The following SCNN1B variants were observed in gnomAD, a reference collection of about 807,000 sequenced individuals.
SCNN1B encodes epithelial sodium channel subunit beta.
A neutral mutation model predicts 65.3 loss-of-function variants in SCNN1B; 46 were observed. That is an observed-to-expected ratio of 0.70 (90% CI 0.56 to 0.90). The LOEUF (loss-of-function observed/expected upper bound fraction) is 0.90. SCNN1B is among the 40% of genes least tolerant of loss of function. The probability of loss-of-function intolerance (pLI) is 0.00; values close to 1 mark genes in which losing one functional copy is unlikely to be tolerated. For missense variants in SCNN1B, 751 were observed against 830.5 expected, an observed-to-expected ratio of 0.90 and a Z score of 1.18; for synonymous variants, 349 against 330.6, an observed-to-expected ratio of 1.06 and a Z score of -0.60.
intron 4 of SCNN1B, among the ~76,000 whole-genome samples, chr16:23,366,086 T>C (rs1962663275): frequency 6.6e-6 from 1 of 152,274 alleles, no homozygotes; most frequent in Admixed American, 6.5e-5. Context: ...TCAGTGAATG[T>C]TTGCTGTGGA....
At chr16:23,343,581 GAGAAAGAAAGAAAGAAAGAA>G (rs200738425) in intron 1 of SCNN1B, among the ~76,000 whole-genome samples, 870 of 70,378 alleles carry the variant, frequency 0.012, 17 homozygotes, top group Middle Eastern at 0.048. Context: ...GAAAGAAAAA[GAGAAAGAAAGAAAGAAAGAA>G]AGAAAGAAAG....
chr16:23,372,497 CTTT>C (rs200783041), intron 7 of SCNN1B, among the ~76,000 whole-genome samples: 10 of 137,446 alleles, frequency 7.3e-5, no homozygotes, highest in African/African-American at 1.9e-4. Context: ...TGAGAAGTCC[CTTT>C]TTTTTTTTTT....
intron 1 of SCNN1B, among the ~76,000 whole-genome samples, chr16:23,326,906 C>T (rs1961709189): frequency 6.6e-6 from 1 of 152,000 alleles, no homozygotes; most frequent in Non-Finnish European, 1.5e-5. Context: ...CCTAACCCCT[C>T]TCCTACTCTC....
At chr16:23,342,020 A>G (rs1186621995) in intron 1 of SCNN1B, among the ~76,000 whole-genome samples, 1 of 152,346 alleles carries the variant, frequency 6.6e-6, no homozygotes, top group African/African-American at 2.4e-5. Flanking sequence ...CTATTTCTAC[A>G]CAAAACTTAT....
chr16:23,315,054 C>T (rs1202744960), intron 1 of SCNN1B, among the ~76,000 whole-genome samples: 6 of 152,140 alleles, frequency 3.9e-5, no homozygotes, highest in African/African-American at 4.8e-5. Context: ...AACATGCCAC[C>T]GGCTGGGTGC....
chr16:23,304,990 G>A (rs1262764406), intron 1 of SCNN1B, among the ~76,000 whole-genome samples: 1 of 152,086 alleles, frequency 6.6e-6, no homozygotes, highest in African/African-American at 2.4e-5. Context: ...ATGGCCCTTG[G>A]GTGGTGGGGG....
chr16:23,312,261 C>T (rs965277738), intron 1 of SCNN1B, among the ~76,000 whole-genome samples: 5 of 152,134 alleles, frequency 3.3e-5, no homozygotes, highest in Non-Finnish European at 5.9e-5. Flanking sequence ...TGAGCTACCT[C>T]GCCTGGCTCC....
chr16:23,333,062 C>A (rs2142002608), intron 1 of SCNN1B, among the ~76,000 whole-genome samples: 1 of 142,384 alleles, frequency 7.0e-6, no homozygotes, highest in East Asian at 2.2e-4. Context: ...CAGAGTGAGA[C>A]TCCAAAAAAA....
intron 2 of SCNN1B, among the ~76,000 whole-genome samples, chr16:23,290,785 AG>A (rs1235866005): frequency 6.6e-6 from 1 of 152,208 alleles, no homozygotes; most frequent in African/African-American, 2.4e-5. Flanking sequence ...AACCTAGTGA[AG>A]GTCTCTTATT....
chr16:23,337,936 G>A (rs1305821514), intron 1 of SCNN1B, among the ~76,000 whole-genome samples: 1 of 152,006 alleles, frequency 6.6e-6, no homozygotes, highest in African/African-American at 2.4e-5. Context: ...AATTAGCCGG[G>A]TGGCACGCAC....
chr16:23,355,273 AC>A (rs1370341310), intron 3 of SCNN1B, 25 bp from the exon 4 acceptor site: 1 of 1,613,794 alleles, frequency 6.2e-7, no homozygotes. Flanking sequence ...CACGCCACCC[AC>A]AAAAACCCCT....
intron 1 of SCNN1B, among the ~76,000 whole-genome samples, chr16:23,311,227 G>A (rs1961337283): frequency 6.6e-6 from 1 of 152,262 alleles, no homozygotes; most frequent in Admixed American, 6.5e-5. Flanking sequence ...GCCACTGGTG[G>A]CCCCTTGGCA....
intron 10 of SCNN1B, among the ~76,000 whole-genome samples, 155 bp from the exon 11 acceptor site, chr16:23,378,551 A>T (rs1163719695): frequency 6.6e-6 from 1 of 152,156 alleles, no homozygotes; most frequent in Non-Finnish European, 1.5e-5. Flanking sequence ...CACAGCTTCC[A>T]CTACGACCTT....
intron 2 of SCNN1B, among the ~76,000 whole-genome samples, chr16:23,287,748 T>C (rs1250268264): frequency 3.3e-5 from 5 of 151,308 alleles, no homozygotes; most frequent in African/African-American, 1.2e-4. Context: ...AGTCTAAAAA[T>C]AGAAAAGATC....
intron 1 of SCNN1B, among the ~76,000 whole-genome samples, chr16:23,321,873 T>C (rs1961595909): frequency 6.6e-6 from 1 of 151,782 alleles, no homozygotes; most frequent in African/African-American, 2.4e-5. Context: ...AAAAATACAA[T>C]AATTAGCTGG....
At chr16:23,319,476 GA>G (rs58635249) in intron 1 of SCNN1B, among the ~76,000 whole-genome samples, 5,266 of 147,438 alleles carry the variant, frequency 0.036, 276 homozygotes, top group African/African-American at 0.12. Context: ...TTACATGGTT[GA>G]AAAAAAAAAA....
At position 23,371,416 on chromosome 16, in the gene SCNN1B, G is replaced by A. The variant is rs766312579; in HGVS notation, c.998G>A (p.Gly333Asp). 12 of 1,614,026 alleles carry A rather than the reference G, an allele frequency of 7.4e-6. No individual in the cohort carries two copies. Among genetic ancestry groups the A allele is most frequent in the Non-Finnish European group, 9.3e-6 (11 of 1,180,020 alleles). The change falls in exon 6 of 13, where the codon GGC becomes GAC. Residue 333 changes from glycine (G) to aspartate (D), a missense_variant. Coordinates refer to ENST00000343070, the MANE Select transcript of SCNN1B (RefSeq NM_000336.3). The part of the protein sequence containing the change: ...QRSYPFIRDE[G>D]IYAMSGTETS... ...TCATACCCCTTCATCAGAGATGAGG[G>A]CATCTACGCCATGTCGGGGACAGAG...
intron 4 of SCNN1B, 108 bp from the exon 5 acceptor site, chr16:23,367,748 T>C (rs897658091): frequency 1.0e-5 from 9 of 869,700 alleles, no homozygotes; most frequent in Non-Finnish European, 1.8e-5. Flanking sequence ...TGCTCGCCTC[T>C]CCCTTTCGGA....
Position 23,377,360 on chromosome 16 carries a change from G to A in SCNN1B, c.1378G>A (p.Ala460Thr). 1 of 1,614,204 alleles carries A rather than the reference G, an allele frequency of 6.2e-7. No homozygotes were observed. Among genetic ancestry groups the A allele is most frequent in the South Asian group, 1.1e-5 (1 of 91,082 alleles). The change falls in exon 10 of 13, where the codon GCT becomes ACT. Residue 460 changes from alanine to threonine, a missense_variant. Transcript: ENST00000343070. The stretch of plus-strand genomic sequence containing the variant: ...CCAGTACAAGATGACCATCTCCATG[G>A]CTGACTGGCCTTCTGAGGCCTCCGA... ...DTQYKMTISM[A>T]DWPSEASEDW... is the part of the protein sequence containing the mutation.
Sources: gnomAD v4.1 joint callset for allele counts (sites outside exome capture counted in the v4.1 genomes callset) on GRCh38, gnomAD v4.1.1 for gene constraint, MANE v1.5 for transcripts, NCBI Gene and HGNC (gene_info 2026-07-23, HGNC 2026-07-21) for gene names.